The following NKTR variants were observed in gnomAD, a reference collection of about 807,000 sequenced individuals.
NKTR encodes NK-tumor recognition protein.
NKTR carries 67 observed loss-of-function variants against 156.3 expected under a neutral mutation model. The ratio of observed to expected loss-of-function variants is 0.43; its 90% CI spans 0.35 to 0.53. The LOEUF (loss-of-function observed/expected upper bound fraction) is 0.53, where lower values mean the gene tolerates loss of function less well. NKTR is among the 20% of genes least tolerant of loss of function. The pLI is 0.01. For synonymous variants in NKTR, 640 were observed against 596.6 expected, an observed-to-expected ratio of 1.07 and a Z score of -1.06; for missense variants, 1,604 against 1,730.9, an observed-to-expected ratio of 0.93 and a Z score of 1.30.
intron 12 of NKTR, 139 bp downstream of exon 12, chr3:42,635,505 G>A: frequency 1.6e-6 from 1 of 636,360 alleles, no homozygotes; most frequent in Non-Finnish European, 2.6e-6. Context: ...AATACATTTG[G>A]GACTACTTGA....
chr3:42,613,599 C>G (rs915464280), intron 2 of NKTR, among the ~76,000 whole-genome samples: 7 of 152,134 alleles, frequency 4.6e-5, no homozygotes, highest in Non-Finnish European at 1.0e-4. Flanking sequence ...ATTGAATCTG[C>G]AATTCCAGCG....
intron 13 of NKTR, among the ~76,000 whole-genome samples, 153 bp from the exon 14 acceptor site, chr3:42,642,347 TC>T (rs1340162872): frequency 6.6e-6 from 1 of 152,196 alleles, no homozygotes; most frequent in Non-Finnish European, 1.5e-5. Flanking sequence ...TTTTGAGAGT[TC>T]CTCATTAGCT....
At chr3:42,631,081 G>A (rs1708858900) in intron 7 of NKTR, 90 bp from the exon 8 acceptor site, 27 of 1,535,894 alleles carry the variant, frequency 1.8e-5, no homozygotes, top group Non-Finnish European at 2.3e-5. Context: ...TCAGGTCTGT[G>A]GACATGTCAT....
intron 2 of NKTR, among the ~76,000 whole-genome samples, chr3:42,614,791 A>T (rs1468318412): frequency 1.3e-5 from 2 of 152,204 alleles, no homozygotes; most frequent in East Asian, 3.8e-4. Context: ...ATGTCTGAAT[A>T]TCCATAGTTC....
chr3:42,632,641 C>T lies in NKTR; in HGVS notation c.591C>T (p.Gly197=). The change falls in exon 9 of 17, where the codon GGC becomes GGT. Residue 197 remains glycine, a synonymous_variant. Coordinates refer to ENST00000232978, the MANE Select transcript of NKTR (RefSeq NM_005385.4). The part of the protein sequence containing the change: ...KKRKKPTHSE[G]SDSSSNSSSS... The stretch of plus-strand genomic sequence containing the variant: ...GGAAGAAACCAACTCATTCAGAAGG[C>T]TCGGATTCCTCTTCCAATTCCTCCT... The T allele has an allele frequency of 6.2e-7, 1 of 1,613,710 alleles. No homozygotes were observed.
chr3:42,635,490 A>G, intron 12 of NKTR, 124 bp downstream of exon 12: 4 of 711,804 alleles, frequency 5.6e-6, no homozygotes, highest in South Asian at 2.4e-5. Flanking sequence ...ACTGTGACCA[A>G]AGGAAATACA....
At position 42,644,009 on chromosome 3, in the gene NKTR, T is replaced by C. The variant is rs1301328223; in HGVS notation, c.4301+6T>C. 22 of 1,606,346 alleles carry C rather than the reference T, an allele frequency of 1.4e-5. No individual in the cohort carries two copies. Among genetic ancestry groups the C allele is most frequent in the Non-Finnish European group, 1.9e-5 (22 of 1,173,938 alleles). Reference sequence around the variant, plus strand: ...AGTTATAATCGGCGGTCCAGGTGGGTCTCTCTCCTTTATCGTCCTTTATCG... The same window carrying C: ...AGTTATAATCGGCGGTCCAGGTGGGCCTCTCTCCTTTATCGTCCTTTATCG... On this transcript the variant is annotated splice_donor_region_variant and intron_variant, in intron 16 of 16. Coordinates refer to ENST00000232978, the MANE Select transcript of NKTR (RefSeq NM_005385.4).
Position 42,646,095 on chromosome 3 carries a change from C to T in NKTR, c.*120C>T. The T allele has an allele frequency of 1.6e-6, 1 of 632,232 alleles. No homozygotes were observed. The highest frequency in any genetic ancestry group is 2.8e-6 in the Non-Finnish European group (1 of 355,510). The allele number at this position is 632,232 out of a possible 1,614,324, so 39.2% of individuals were successfully genotyped here. A position where few individuals can be genotyped will look rare whatever the true frequency, so the allele number is the denominator to read the frequency against. On this transcript the variant is annotated 3_prime_UTR_variant, in exon 17 of 17. Transcript: ENST00000232978. ...AGGTGAATTTCAAAAATAGACACTT[C>T]TTAATTGTTACTGGTTCATTTACAT...
At chr3:42,629,120 C>T (rs1708667602) in intron 6 of NKTR, 1 of 973,278 alleles carries the variant, frequency 1.0e-6, no homozygotes, top group African/African-American at 1.8e-5. Flanking sequence ...ATAATTAAAG[C>T]ACATTTCTAT....
intron 2 of NKTR, among the ~76,000 whole-genome samples, chr3:42,610,487 AT>A (rs1706678676): frequency 1.3e-5 from 2 of 151,948 alleles, no homozygotes; most frequent in Admixed American, 1.3e-4. Context: ...TGAATGTTGA[AT>A]TTCTTTTTTT....
At chr3:42,635,093 C>T (rs1709269547) in intron 11 of NKTR, 128 bp from the exon 12 acceptor site, 5 of 538,454 alleles carry the variant, frequency 9.3e-6, no homozygotes, top group Non-Finnish European at 1.2e-5. Context: ...TTTAGACCAT[C>T]CTTTTGGTAA....
intron 13 of NKTR, among the ~76,000 whole-genome samples, 156 bp downstream of exon 13, chr3:42,639,906 TAGGGAG>T (rs1455678080): frequency 1.3e-5 from 2 of 151,878 alleles, no homozygotes; most frequent in Admixed American, 6.6e-5. Context: ...ATTGAAAACT[TAGGGAG>T]AGGGAATTTC....
chr3:42,606,584 A>G (rs1046772351), intron 2 of NKTR, among the ~76,000 whole-genome samples: 5 of 152,216 alleles, frequency 3.3e-5, no homozygotes, highest in Admixed American at 2.0e-4. Context: ...CTATGTATGT[A>G]TACTTGTACA....
At chr3:42,643,571 C>T (rs1710094077) in intron 15 of NKTR, 176 bp downstream of exon 15, 1 of 637,832 alleles carries the variant, frequency 1.6e-6, no homozygotes, top group Non-Finnish European at 2.8e-6. Flanking sequence ...GCCCATTGTA[C>T]TCCAGTGTCA....
chr3:42,603,195 G>GTC (rs59448873), intron 2 of NKTR: 25,955 of 151,370 alleles, frequency 0.17, 2,683 homozygotes, highest in African/African-American at 0.29. Flanking sequence ...GCAAGACCCT[G>GTC]TCTACAAAAA....
rs149324513 is a variant in NKTR, at chr3:42,639,560, C to G, written c.3856C>G (p.Arg1286Gly). The G allele has an allele frequency of 1.2e-6, 2 of 1,614,140 alleles. No individual in the cohort carries two copies. The highest frequency in any genetic ancestry group is 1.7e-6 in the Non-Finnish European group (2 of 1,180,024). ...CTTTGATGAAGTAAGAAAGACAGCACGCTTAAACCGTAGACCAAGAAATCA... is the reference window on the plus strand; with the variant it reads ...CTTTGATGAAGTAAGAAAGACAGCAGGCTTAAACCGTAGACCAAGAAATCA... The part of the protein sequence containing the change: ...SLFDEVRKTA[R>G]LNRRPRNQES... Residue 1286 changes from arginine (R) to glycine (G), a missense_variant, in exon 13 of 17, where the codon CGC becomes GGC. Transcript: ENST00000232978.
intron 3 of NKTR, among the ~76,000 whole-genome samples, 185 bp from the exon 4 acceptor site, chr3:42,618,835 T>C (rs532063272): frequency 6.6e-6 from 1 of 152,284 alleles, no homozygotes; most frequent in South Asian, 2.1e-4. Flanking sequence ...ACATGCTGCT[T>C]TGGATTATTT....
chr3:42,620,310 C>T lies in NKTR; in HGVS notation c.286+602C>T, dbSNP rs556646725. On this transcript the variant is annotated intron_variant, in intron 5 of 16. Transcript: ENST00000232978. Reference sequence around the variant, plus strand: ...TTTCTTTGAATAAAAGTTGAAATTTCGTTTTTCAAAGGTTTGTATGTTTTC... The same window carrying T: ...TTTCTTTGAATAAAAGTTGAAATTTTGTTTTTCAAAGGTTTGTATGTTTTC... 2.7e-5 allele frequency: 32 copies of T among 1,187,128 alleles called. No individual in the cohort carries two copies. The African/African-American group carries it at 4.4e-4, about 16-fold the overall frequency. The allele number at this position is 1,187,128 out of a possible 1,614,324, so 73.5% of individuals were successfully genotyped here.
intron 9 of NKTR, 124 bp downstream of exon 9, chr3:42,632,947 T>C: frequency 7.6e-7 from 1 of 1,320,124 alleles, no homozygotes; most frequent in Non-Finnish European, 9.7e-7. Flanking sequence ...CTTTTTAAAC[T>C]TTAAATTGAA....
Sources: gnomAD v4.1 joint callset for allele counts (sites outside exome capture counted in the v4.1 genomes callset) on GRCh38, gnomAD v4.1.1 for gene constraint, MANE v1.5 for transcripts, NCBI Gene and HGNC (gene_info 2026-07-23, HGNC 2026-07-21) for gene names.